The following BCKDHA variants were observed in gnomAD, a reference collection of about 807,000 sequenced individuals.
BCKDHA encodes 2-oxoisovalerate dehydrogenase subunit alpha, mitochondrial.
Under a neutral mutation model 52.2 loss-of-function variants are expected in BCKDHA, and 43 were observed. That is an observed-to-expected ratio of 0.82 (90% CI 0.64 to 1.06). BCKDHA has a LOEUF of 1.06. Ranked by LOEUF, BCKDHA falls within the 50% of genes least tolerant of loss-of-function variation. The pLI, the probability that BCKDHA is intolerant of heterozygous loss-of-function variation, is 0.00. For missense variants in BCKDHA, 527 were observed against 621.3 expected, an observed-to-expected ratio of 0.85 and a Z score of 1.61; for synonymous variants, 234 against 247.9, an observed-to-expected ratio of 0.94 and a Z score of 0.53.
chr19:41,419,771 T>A (rs2039344981), intron 5 of BCKDHA, among the ~76,000 whole-genome samples: 1 of 19,036 alleles, frequency 5.3e-5, no homozygotes, highest in African/African-American at 7.4e-4. Flanking sequence ...TTTTTTTTTT[T>A]TTTTTTTTGG....
intron 1 of BCKDHA, among the ~76,000 whole-genome samples, chr19:41,405,779 G>A (rs1249425536): frequency 2.0e-5 from 3 of 152,116 alleles, no homozygotes; most frequent in South Asian, 2.1e-4. Flanking sequence ...GAGTCCATGC[G>A]CTTAGCCATG....
intron 1 of BCKDHA, among the ~76,000 whole-genome samples, chr19:41,402,314 TAC>T (rs1247080760): frequency 5.9e-5 from 9 of 152,176 alleles, no homozygotes; most frequent in African/African-American, 7.2e-5. Flanking sequence ...AGATGGTCAT[TAC>T]AGTCTTCTAA....
At chr19:41,414,265 G>T in intron 4 of BCKDHA, 108 bp downstream of exon 4, 2 of 1,101,226 alleles carry the variant, frequency 1.8e-6, no homozygotes, top group East Asian at 5.1e-5. Context: ...CTAAGGAGCT[G>T]GAAGAAGAGC....
chr19:41,407,183 G>A (rs1002465796), intron 1 of BCKDHA, among the ~76,000 whole-genome samples: 5 of 152,130 alleles, frequency 3.3e-5, no homozygotes, highest in Non-Finnish European at 5.9e-5. Flanking sequence ...TATGTAATAC[G>A]TCCCAGATCG....
intron 4 of BCKDHA, among the ~76,000 whole-genome samples, chr19:41,415,901 C>T (rs1396442802): frequency 6.7e-6 from 1 of 149,924 alleles, no homozygotes; most frequent in Non-Finnish European, 1.5e-5. Context: ...CCCTCCTCCA[C>T]CTCCTAAAGT....
chr19:41,424,674 C>G lies in BCKDHA; in HGVS notation c.*66C>G. On this transcript the variant is annotated 3_prime_UTR_variant, in exon 9 of 9. Transcript: ENST00000269980. ...AGAGGTAGCCCCACTCTAAGGGGAG[C>G]AGGGGGACCTGACAGCACACCACTG... is the stretch of plus-strand genomic sequence containing the variant. 6.6e-7 allele frequency: 1 copy of G among 1,506,446 alleles called. No homozygotes were observed. Among genetic ancestry groups the G allele is most frequent in the African/African-American group, 1.4e-5 (1 of 71,976 alleles). 93.3% of individuals were successfully genotyped at this position (1,506,446 alleles called of 1,614,324 possible). A position where few individuals can be genotyped will look rare whatever the true frequency, so the allele number is the denominator to read the frequency against.
chr19:41,424,674 C>T lies in BCKDHA; in HGVS notation c.*66C>T. ...AGAGGTAGCCCCACTCTAAGGGGAG[C>T]AGGGGGACCTGACAGCACACCACTG... On this transcript the variant is annotated 3_prime_UTR_variant, in exon 9 of 9. Transcript: ENST00000269980. 2.0e-6 allele frequency: 3 copies of T among 1,506,446 alleles called. No homozygotes were observed. Among genetic ancestry groups the T allele is most frequent in the Non-Finnish European group, 2.7e-6 (3 of 1,113,280 alleles). The allele number at this position is 1,506,446 out of a possible 1,614,324, so 93.3% of individuals were successfully genotyped here. A position where few individuals can be genotyped will look rare whatever the true frequency, so the allele number is the denominator to read the frequency against.
rs749383228 is a variant in BCKDHA at position 41,422,301 on chromosome 19, T to A, written c.784T>A (p.Phe262Ile). The change falls in exon 6 of 9, where the codon TTC (phenylalanine) becomes ATC (isoleucine). Residue 262 changes from phenylalanine (F) to isoleucine (I), a missense_variant. Transcript: ENST00000269980. ...TGCCACACTTGAGTGCCCCATCATC[T>A]TCTTCTGCCGGAACAATGGCTACGC... ...FAATLECPII[F>I]FCRNNGYAIS... The A allele has an allele frequency of 6.2e-7, 1 of 1,614,202 alleles. No individual in the cohort carries two copies. Among genetic ancestry groups the A allele is most frequent in the South Asian group, 1.1e-5 (1 of 91,084 alleles).
chr19:41,411,042 G>C, intron 3 of BCKDHA, 33 bp downstream of exon 3: 1 of 1,607,480 alleles, frequency 6.2e-7, no homozygotes, highest in Non-Finnish European at 8.5e-7. Flanking sequence ...GCGGGGGGCT[G>C]GAATTACCTG....
Position 41,419,196 on chromosome 19 carries a change from C to G in BCKDHA, c.546C>G (p.Ile182Met). Residue 182 changes from isoleucine (I) to methionine (M), a missense_variant, in exon 5 of 9, where the codon ATC becomes ATG. Transcript: ENST00000269980. ...TCATGGCCCAGTGCTATGGCAACATCAGTGACTTGGGCAAGGGGCGCCAGA... is the reference window on the plus strand; with the variant it reads ...TCATGGCCCAGTGCTATGGCAACATGAGTGACTTGGGCAAGGGGCGCCAGA... ...ELFMAQCYGNISDLGKGRQMP... is the reference protein window; with the variant it reads ...ELFMAQCYGNMSDLGKGRQMP... The G allele has an allele frequency of 1.2e-6, 2 of 1,614,236 alleles. No homozygotes were observed. Among genetic ancestry groups the G allele is most frequent in the Non-Finnish European group, 1.7e-6 (2 of 1,180,038 alleles).
At position 41,423,111 on chromosome 19, in the gene BCKDHA, GC is replaced by G; in HGVS notation, c.1111del (p.Gln371LysfsTer20). 6.4e-7 allele frequency: 1 copy of G among 1,564,826 alleles called. No individual in the cohort carries two copies. The highest frequency in any genetic ancestry group is 8.7e-7 in the Non-Finnish European group (1 of 1,154,432). ...PISRLRHYLL[S>X]QGWWDEEQEK... ...TCCCGGCTGCGGCACTATCTGCTGA[GC>G]CAAGGCTGGTGGGATGAGGAGCAGG... On this transcript the variant is annotated frameshift_variant, in exon 8 of 9. Transcript: ENST00000269980. LOFTEE classifies it high-confidence loss of function.
intron 4 of BCKDHA, among the ~76,000 whole-genome samples, chr19:41,417,080 C>T (rs948692245): frequency 5.9e-5 from 9 of 152,126 alleles, no homozygotes; most frequent in Non-Finnish European, 1.3e-4. Context: ...GGCATGATCT[C>T]GGCTCACTGC....
Position 41,424,754 on chromosome 19 carries a change from TTC to T in BCKDHA, c.*147_*148del. On this transcript the variant is annotated 3_prime_UTR_variant, in exon 9 of 9. Coordinates refer to ENST00000269980, the MANE Select transcript of BCKDHA (RefSeq NM_000709.4). ...TCAGCGGCCAGGGCGGCTGCCACTC[TTC>T]ACCCCTGCTCCTCCCGGCTGTTACA... is the stretch of plus-strand genomic sequence containing the variant. 1.2e-6 allele frequency: 1 copy of T among 863,946 alleles called. No homozygotes were observed. The highest frequency in any genetic ancestry group is 1.7e-5 in the African/African-American group (1 of 58,624). 53.5% of individuals were successfully genotyped at this position (863,946 alleles called of 1,614,324 possible). A position where few individuals can be genotyped will look rare whatever the true frequency, so the allele number is the denominator to read the frequency against.
intron 7 of BCKDHA, 27 bp downstream of exon 7, chr19:41,422,797 C>T: frequency 6.2e-7 from 1 of 1,611,840 alleles, no homozygotes; most frequent in Non-Finnish European, 8.5e-7. Context: ...CCGTCAGCAC[C>T]CCCACAGCAC....
chr19:41,412,442 C>T (rs1401052450), intron 3 of BCKDHA, among the ~76,000 whole-genome samples: 1 of 123,156 alleles, frequency 8.1e-6, no homozygotes, highest in Non-Finnish European at 1.7e-5. Context: ...GGCTGGAGTG[C>T]AATGGCACGA....
chr19:41,422,985 T>C lies in BCKDHA; in HGVS notation c.996-13T>C, dbSNP rs1028256198. The C allele has an allele frequency of 1.9e-6, 3 of 1,607,450 alleles. No individual in the cohort carries two copies. Among genetic ancestry groups the C allele is most frequent in the South Asian group, 1.1e-5 (1 of 89,790 alleles). Reference sequence around the variant, plus strand: ...GAGCCCACACTGACCTGGGGCCCCTTGCCCCTGTGCAGGATCGGGCACCAC... The same window carrying C: ...GAGCCCACACTGACCTGGGGCCCCTCGCCCCTGTGCAGGATCGGGCACCAC... On this transcript the variant is annotated splice_polypyrimidine_tract_variant and intron_variant, in intron 7 of 8. Coordinates refer to ENST00000269980, the MANE Select transcript of BCKDHA (RefSeq NM_000709.4).
At chr19:41,398,898 G>A (rs961583697) in intron 1 of BCKDHA, among the ~76,000 whole-genome samples, 1 of 152,126 alleles carries the variant, frequency 6.6e-6, no homozygotes, top group African/African-American at 2.4e-5. Flanking sequence ...ATTAACAGTG[G>A]CCACCTCATA....
chr19:41,399,418 A>C (rs535279625), intron 1 of BCKDHA: 6 of 142,980 alleles, frequency 4.2e-5, no homozygotes, highest in Admixed American at 1.5e-4. Flanking sequence ...CAAGTGGGGC[A>C]GGAGGTGGGC....
intron 5 of BCKDHA, among the ~76,000 whole-genome samples, chr19:41,421,812 A>G (rs951828895): frequency 2.6e-5 from 4 of 152,150 alleles, no homozygotes; most frequent in Admixed American, 1.3e-4. Context: ...AAGGGCTAGT[A>G]AGGAGGCTGC....
Sources: allele counts gnomAD v4.1 joint callset (sites outside exome capture counted in the v4.1 genomes callset), GRCh38; gene constraint gnomAD v4.1.1; transcripts MANE v1.5; gene names NCBI Gene and HGNC (gene_info 2026-07-23, HGNC 2026-07-21).